PPP2R2B: variants seen among roughly 807,000 people sequenced by gnomAD.
The protein encoded by PPP2R2B is serine/threonine-protein phosphatase 2A 55 kDa regulatory subunit B beta isoform.
Under a neutral mutation model 46.0 loss-of-function variants are expected in PPP2R2B, and 5 were observed. The observed-to-expected ratio is 0.11, with a 90% CI of 0.06 to 0.23. The LOEUF is 0.23. PPP2R2B is among the 10% of genes least tolerant of loss of function. The pLI, the probability that PPP2R2B is intolerant of heterozygous loss-of-function variation, is 1.00. For synonymous variants in PPP2R2B, 215 were observed against 206.7 expected (o/e 1.04, Z -0.34); for missense variants, 367 against 575.0 (o/e 0.64, Z 3.70).
chr5:146,933,779 C>T (rs2151823852), intron 1 of PPP2R2B, among the ~76,000 whole-genome samples: 1 of 151,134 alleles, frequency 6.6e-6, no homozygotes, highest in South Asian at 2.1e-4. Context: ...TGCACTGCAC[C>T]CACTAACTTG....
chr5:146,806,165 A>G (rs1293653272), intron 2 of PPP2R2B, among the ~76,000 whole-genome samples: 1 of 152,182 alleles, frequency 6.6e-6, no homozygotes, highest in East Asian at 1.9e-4. Flanking sequence ...GCGCACATAC[A>G]CACATGTGCA....
intron 5 of PPP2R2B, among the ~76,000 whole-genome samples, chr5:146,659,379 A>C (rs1050659650): frequency 3.9e-5 from 6 of 152,216 alleles, no homozygotes; most frequent in Non-Finnish European, 2.9e-5. Flanking sequence ...CAAGCACACA[A>C]TTTGAATGGT....
chr5:146,764,980 A>G lies in PPP2R2B; in HGVS notation c.71-63838T>C, dbSNP rs571333814. Among the ~76,000 whole-genome samples, 53 of 152,278 alleles carry G rather than the reference A, an allele frequency of 3.5e-4. 1 individual carries two copies. The highest frequency in any genetic ancestry group is 1.2e-3 in the African/African-American group (50 of 41,578). On this transcript the variant is annotated intron_variant, in intron 2 of 9. Coordinates refer to ENST00000394411, the MANE Select transcript of PPP2R2B (RefSeq NM_181675.4). ...TTTAATTATCCTCAGGTATAAAAAGAGTTAATAAGGCCAATAATTAAACTC... is the reference window on the plus strand; with the variant it reads ...TTTAATTATCCTCAGGTATAAAAAGGGTTAATAAGGCCAATAATTAAACTC...
intron 1 of PPP2R2B, among the ~76,000 whole-genome samples, chr5:147,010,806 A>G (rs1365986390): frequency 6.6e-6 from 1 of 151,760 alleles, no homozygotes; most frequent in Non-Finnish European, 1.5e-5. Flanking sequence ...TCTCACACTT[A>G]CTCCATATCC....
intron 5 of PPP2R2B, among the ~76,000 whole-genome samples, chr5:146,663,768 G>A (rs57616192): frequency 0.19 from 29,178 of 152,116 alleles, 3,481 homozygotes; most frequent in East Asian, 0.36. Flanking sequence ...AATGTTGATG[G>A]ATGCTGATTG....
rs191589744 is a variant in PPP2R2B, at chr5:146,603,883, C to T, written c.791-3423G>A. ...ATAGAGCTGCATTTTGAACTCACAT[C>T]TATCTGACTTCAAAATCTTTGTTCT... is the stretch of plus-strand genomic sequence containing the variant. On this transcript the variant is annotated intron_variant, in intron 7 of 9. Coordinates refer to ENST00000394411, the MANE Select transcript of PPP2R2B (RefSeq NM_181675.4). 3.0e-3 allele frequency among the ~76,000 whole-genome samples: 457 copies of T among 152,270 alleles called. 3 individuals carry two copies. The highest frequency in any genetic ancestry group is 6.5e-3 in the Admixed American group (99 of 15,290).
At chr5:146,870,782 C>T (rs933108335) in intron 2 of PPP2R2B, among the ~76,000 whole-genome samples, 2 of 152,140 alleles carry the variant, frequency 1.3e-5, no homozygotes, top group African/African-American at 2.4e-5. Flanking sequence ...TACACACAGA[C>T]CCCCACCCCA....
intron 1 of PPP2R2B, among the ~76,000 whole-genome samples, chr5:146,988,417 T>A (rs1308704764): frequency 1.3e-5 from 2 of 151,954 alleles, no homozygotes; most frequent in Admixed American, 1.3e-4. Context: ...ATATCAAGTA[T>A]CCTTTCTGAT....
intron 2 of PPP2R2B, among the ~76,000 whole-genome samples, chr5:147,080,450 C>T (rs1757939732): frequency 1.3e-5 from 2 of 152,130 alleles, no homozygotes; most frequent in South Asian, 2.1e-4. Flanking sequence ...GTAACGCAGA[C>T]ACCCTTAGGG....
intron 2 of PPP2R2B, among the ~76,000 whole-genome samples, chr5:146,722,384 A>G (rs1780860368): frequency 6.6e-6 from 1 of 152,188 alleles, no homozygotes; most frequent in South Asian, 2.1e-4. Context: ...CTGCGGAGCT[A>G]CAAAGGCCAC....
At chr5:146,590,323 T>TTTTA (rs1280603140) in intron 9 of PPP2R2B, 97 bp from the exon 10 acceptor site, 1 of 1,340,564 alleles carries the variant, frequency 7.5e-7, no homozygotes, top group Non-Finnish European at 1.0e-6. Flanking sequence ...ACACCATAGG[T>TTTTA]TTTATTAAAA....
Position 146,878,194 on chromosome 5 carries a change from G to C in PPP2R2B, c.-123C>G, listed in dbSNP as rs1582340870. 4 of 1,582,656 alleles carry C rather than the reference G, an allele frequency of 2.5e-6. No homozygotes were observed. The highest frequency in any genetic ancestry group is 4.6e-5 in the East Asian group (2 of 43,368). On this transcript the variant is annotated splice_region_variant and 5_prime_UTR_variant, in exon 2 of 10. Transcript: ENST00000394411. The surrounding 1 kb of genome is among the most constrained non-coding windows in gnomAD (Gnocchi z 4.5). ...CCAGTGGGACTGCACCATGGTCCGAGCCTGAGGAGGAGACGGGGAGGCGGA... is the reference window on the plus strand; with the variant it reads ...CCAGTGGGACTGCACCATGGTCCGACCCTGAGGAGGAGACGGGGAGGCGGA...
intron 1 of PPP2R2B, among the ~76,000 whole-genome samples, chr5:147,050,584 C>T (rs146484140): frequency 6.6e-6 from 1 of 152,172 alleles, no homozygotes; most frequent in African/African-American, 2.4e-5. Flanking sequence ...GCTGTGTGAA[C>T]TTAGACTACT....
intron 2 of PPP2R2B, among the ~76,000 whole-genome samples, chr5:146,873,753 G>T (rs1761743138): frequency 6.6e-6 from 1 of 152,138 alleles, no homozygotes. Flanking sequence ...TGGGATTACA[G>T]GCATACACCA....
intron 5 of PPP2R2B, among the ~76,000 whole-genome samples, chr5:146,663,610 A>G (rs1422862105): frequency 6.6e-6 from 1 of 152,184 alleles, no homozygotes; most frequent in African/African-American, 2.4e-5. Context: ...CTTATACTAT[A>G]CTGTAGTCTA....
intron 1 of PPP2R2B, among the ~76,000 whole-genome samples, chr5:146,966,352 G>A (rs537558389): frequency 1.3e-5 from 2 of 152,296 alleles, no homozygotes; most frequent in South Asian, 4.1e-4. Context: ...ATTTCAGCTT[G>A]TTGACTTGCA....
At chr5:146,764,493 C>A (rs932002491) in intron 2 of PPP2R2B, among the ~76,000 whole-genome samples, 1 of 152,134 alleles carries the variant, frequency 6.6e-6, no homozygotes, top group Non-Finnish European at 1.5e-5. Flanking sequence ...CCAAACATAA[C>A]TTTTGGACCC....
At chr5:146,663,948 T>C (rs986976289) in intron 5 of PPP2R2B, among the ~76,000 whole-genome samples, 8 of 152,166 alleles carry the variant, frequency 5.3e-5, no homozygotes, top group African/African-American at 1.9e-4. Flanking sequence ...GTTTAAGCAA[T>C]TTTCTGCCTC....
chr5:146,593,274 C>T (rs1416097385), intron 8 of PPP2R2B, among the ~76,000 whole-genome samples: 1 of 152,188 alleles, frequency 6.6e-6, no homozygotes, highest in East Asian at 1.9e-4. Context: ...ATGGATTAAT[C>T]AAGCTTGCTT....
Sources: allele counts gnomAD v4.1 joint callset (sites outside exome capture counted in the v4.1 genomes callset), GRCh38; gene constraint gnomAD v4.1.1; non-coding constraint Gnocchi (gnomAD v3.1); transcripts MANE v1.5; gene names NCBI Gene and HGNC (gene_info 2026-07-23, HGNC 2026-07-21).